The following DPP10 variants were observed in gnomAD, a reference collection of about 807,000 sequenced individuals.
DPP10 encodes inactive dipeptidyl peptidase 10.
In DPP10, 33 loss-of-function variants were observed where a neutral mutation model predicts 120.9. That is an observed-to-expected ratio of 0.27 (90% CI 0.21 to 0.37). DPP10 has a LOEUF of 0.37. Ranked by LOEUF, DPP10 falls within the 10% of genes least tolerant of loss-of-function variation. The pLI, the probability that DPP10 is intolerant of heterozygous loss-of-function variation, is 1.00. For missense variants in DPP10, 816 were observed against 942.8 expected (o/e 0.87, Z 1.76); for synonymous variants, 337 against 326.1 (o/e 1.03, Z -0.36).
At chr2:114,919,794 C>T (rs1285016695) in intron 1 of DPP10, among the ~76,000 whole-genome samples, 1 of 152,132 alleles carries the variant, frequency 6.6e-6, no homozygotes, top group African/African-American at 2.4e-5. Flanking sequence ...TGTGTAGTTG[C>T]ATTCTGATGA....
At chr2:114,989,972 C>T (rs1418874563) in intron 1 of DPP10, among the ~76,000 whole-genome samples, 1 of 152,120 alleles carries the variant, frequency 6.6e-6, no homozygotes, top group Non-Finnish European at 1.5e-5. Context: ...ATGAAAGATT[C>T]AGTTTCCTTA....
intron 1 of DPP10, among the ~76,000 whole-genome samples, chr2:114,621,296 A>G (rs1035395409): frequency 6.6e-6 from 1 of 152,110 alleles, no homozygotes; most frequent in African/African-American, 2.4e-5. Context: ...ATGCTTCTCC[A>G]TCCCCCAAAC....
At chr2:115,721,134 C>CAAT (rs1475570107) in intron 7 of DPP10, among the ~76,000 whole-genome samples, 5 of 152,178 alleles carry the variant, frequency 3.3e-5, no homozygotes, top group Non-Finnish European at 7.3e-5. Flanking sequence ...TAGGCATGTA[C>CAAT]ATTTAAGACA....
chr2:115,746,528 A>G (rs78898435), intron 10 of DPP10, among the ~76,000 whole-genome samples: 4,301 of 152,266 alleles, frequency 0.028, 98 homozygotes, highest in Non-Finnish European at 0.043. Context: ...GGTGTTCATT[A>G]AAAGTGTATA....
chr2:115,363,434 C>T (rs2064902331), intron 3 of DPP10, among the ~76,000 whole-genome samples: 1 of 152,186 alleles, frequency 6.6e-6, no homozygotes, highest in Non-Finnish European at 1.5e-5. Context: ...CATCAGTGGT[C>T]TGAACCATTC....
chr2:114,889,966 C>G (rs1371475918), intron 1 of DPP10, among the ~76,000 whole-genome samples: 1 of 152,202 alleles, frequency 6.6e-6, no homozygotes, highest in African/African-American at 2.4e-5. Flanking sequence ...CTGGAGAAGA[C>G]TAGATACAAT....
chr2:115,742,211 A>C (rs2149700711), intron 9 of DPP10, among the ~76,000 whole-genome samples: 1 of 152,246 alleles, frequency 6.6e-6, no homozygotes. Context: ...GAACAGGGAA[A>C]AAACTCAAAT....
intron 1 of DPP10, among the ~76,000 whole-genome samples, chr2:115,122,560 T>G (rs1197875756): frequency 6.6e-6 from 1 of 152,242 alleles, no homozygotes; most frequent in Non-Finnish European, 1.5e-5. Flanking sequence ...TTAGTGTGTG[T>G]CCTGGCAATG....
At chr2:114,854,378 G>A (rs1159048900) in intron 1 of DPP10, among the ~76,000 whole-genome samples, 4 of 151,982 alleles carry the variant, frequency 2.6e-5, no homozygotes, top group East Asian at 1.9e-4. Context: ...CTCTAGTCTC[G>A]TCATTAAGTA....
chr2:115,255,700 T>G (rs1286503280), intron 1 of DPP10, among the ~76,000 whole-genome samples: 1 of 152,208 alleles, frequency 6.6e-6, no homozygotes, highest in Non-Finnish European at 1.5e-5. Flanking sequence ...AGGGGCAAAA[T>G]GCTGCCAGTC....
At chr2:115,748,174 T>G (rs1678242544) in intron 10 of DPP10, among the ~76,000 whole-genome samples, 1 of 151,800 alleles carries the variant, frequency 6.6e-6, no homozygotes, top group African/African-American at 2.4e-5. Context: ...CTGCCTAAAC[T>G]CTCAATAGCA....
At chr2:114,727,491 A>T (rs1676448386) in intron 1 of DPP10, among the ~76,000 whole-genome samples, 1 of 152,186 alleles carries the variant, frequency 6.6e-6, no homozygotes, top group African/African-American at 2.4e-5. Context: ...AAATAAAAGG[A>T]GCCCTGGGAT....
chr2:115,429,670 A>G (rs983084436), intron 3 of DPP10, among the ~76,000 whole-genome samples: 9 of 152,184 alleles, frequency 5.9e-5, no homozygotes, highest in African/African-American at 1.9e-4. Flanking sequence ...CTTCCCCAGC[A>G]TGTAATCTTG....
chr2:115,283,686 G>A (rs989628806), intron 1 of DPP10, among the ~76,000 whole-genome samples: 2 of 151,966 alleles, frequency 1.3e-5, no homozygotes, highest in African/African-American at 4.8e-5. Context: ...AATCATTCTG[G>A]CAATCTTTAA....
intron 5 of DPP10, among the ~76,000 whole-genome samples, chr2:115,602,177 C>A (rs2083368957): frequency 6.6e-6 from 1 of 152,182 alleles, no homozygotes; most frequent in African/African-American, 2.4e-5. Context: ...GGTCTGAGTA[C>A]TCCAGGCAAT....
chr2:115,126,714 T>C (rs1047678795), intron 1 of DPP10, among the ~76,000 whole-genome samples: 6 of 152,194 alleles, frequency 3.9e-5, no homozygotes, highest in Admixed American at 1.3e-4. Flanking sequence ...CAGACATTTA[T>C]ATTCCTCTTT....
At chr2:115,279,156 C>T (rs1470838541) in intron 1 of DPP10, among the ~76,000 whole-genome samples, 1 of 152,156 alleles carries the variant, frequency 6.6e-6, no homozygotes, top group Non-Finnish European at 1.5e-5. Flanking sequence ...GCCATTCTTA[C>T]ATGACTGGCT....
At chr2:115,310,552 G>A (rs1452207974) in intron 2 of DPP10, among the ~76,000 whole-genome samples, 1 of 152,106 alleles carries the variant, frequency 6.6e-6, no homozygotes, top group Non-Finnish European at 1.5e-5. Flanking sequence ...TAGGGAGGAA[G>A]GAGGAGAGAA....
intron 1 of DPP10, among the ~76,000 whole-genome samples, chr2:114,602,582 T>G (rs967007844): frequency 6.6e-6 from 1 of 151,954 alleles, no homozygotes; most frequent in Non-Finnish European, 1.5e-5. Context: ...GAATTAATCT[T>G]TGTGTCACCA....
Sources: gnomAD v4.1 joint callset for allele counts (sites outside exome capture counted in the v4.1 genomes callset) on GRCh38, gnomAD v4.1.1 for gene constraint, MANE v1.5 for transcripts, NCBI Gene and HGNC (gene_info 2026-07-23, HGNC 2026-07-21) for gene names.